CACNB1: variants seen among roughly 807,000 people sequenced by gnomAD.
CACNB1 encodes calcium voltage-gated channel auxiliary subunit beta 1.
CACNB1 carries 29 observed loss-of-function variants against 71.6 expected under a neutral mutation model. That is an observed-to-expected ratio of 0.40 (90% confidence interval 0.30 to 0.55). The LOEUF (loss-of-function observed/expected upper bound fraction) is 0.55, where lower values mean the gene tolerates loss of function less well. Ranked by LOEUF, CACNB1 falls within the 20% of genes least tolerant of loss-of-function variation. The probability of loss-of-function intolerance (pLI) is 0.38; values close to 1 mark genes in which losing one functional copy is unlikely to be tolerated. For synonymous variants in CACNB1, 300 were observed against 319.6 expected (o/e 0.94, Z 0.65); for missense variants, 623 against 801.8 (o/e 0.78, Z 2.69).
rs368722163 is a variant in CACNB1, at chr17:39,194,864, C to T, written c.171+20G>A. ...CACCAACCAGCCACCTCCCTCCTCT[C>T]CGCCCAGCCTCCCCATTACCTGGCG... On this transcript the variant is annotated intron_variant, in intron 2 of 13. Transcript: ENST00000394303. This position sits in a 1 kb window ranked among gnomAD's most constrained non-coding sequence, Gnocchi z 4.6. 2.9e-5 allele frequency: 46 copies of T among 1,571,168 alleles called. No homozygotes were observed. The highest frequency in any genetic ancestry group is 3.8e-5 in the Non-Finnish European group (43 of 1,144,188).
chr17:39,190,188 G>A (rs189116507), intron 3 of CACNB1, among the ~76,000 whole-genome samples: 19 of 152,092 alleles, frequency 1.2e-4, no homozygotes, highest in Admixed American at 5.9e-4. Context: ...TTGGGAGGCC[G>A]AGGCAGGAGG....
chr17:39,182,866 T>C lies in CACNB1; in HGVS notation c.1050+847A>G, dbSNP rs979276800. 8.0e-5 allele frequency: 56 copies of C among 697,150 alleles called. No homozygotes were observed. The African/African-American group carries it at 1.0e-3, about 13-fold the overall frequency. The allele number at this position is 697,150 out of a possible 1,614,324, so 43.2% of individuals were successfully genotyped here. A position where few individuals can be genotyped will look rare whatever the true frequency, so the allele number is the denominator to read the frequency against. On this transcript the variant is annotated intron_variant, in intron 11 of 13. Coordinates refer to ENST00000394303, the MANE Select transcript of CACNB1 (RefSeq NM_000723.5). ...AGAGGCTAAATAATTCCCCCAAGAT[T>C]CCAAGTTCAATAAAAAACAACCAAC... is the stretch of plus-strand genomic sequence containing the variant.
At chr17:39,190,975 G>T (rs189034148) in intron 3 of CACNB1, among the ~76,000 whole-genome samples, 9 of 151,746 alleles carry the variant, frequency 5.9e-5, no homozygotes, top group African/African-American at 1.9e-4. Context: ...GAGGCTGAGG[G>T]GGGCGGATCA....
At position 39,177,538 on chromosome 17, in the gene CACNB1, G is replaced by A. The variant is rs1207470971; in HGVS notation, c.1147-3C>T. 1.3e-6 allele frequency: 2 copies of A among 1,577,300 alleles called. No individual in the cohort carries two copies. The highest frequency in any genetic ancestry group is 2.7e-5 in the African/African-American group (2 of 74,382). On this transcript the variant is annotated splice_region_variant and splice_polypyrimidine_tract_variant and intron_variant, in intron 12 of 13. Transcript: ENST00000394303. Reference sequence around the variant, plus strand: ...TCCAGGATGATGTCAAACATTTCCTGTGAAGGCGGGGTTAGGGGGCAGGGC... The same window carrying A: ...TCCAGGATGATGTCAAACATTTCCTATGAAGGCGGGGTTAGGGGGCAGGGC...
At chr17:39,192,936 C>T (rs910756742) in intron 2 of CACNB1, 1 of 152,678 alleles carries the variant, frequency 6.5e-6, no homozygotes, top group African/African-American at 2.4e-5. Context: ...GAGAGAAAAC[C>T]AGCGTAGCTC....
rs1015709759 is a variant in CACNB1 at position 39,197,581 on chromosome 17, G to A, written c.-86C>T. The A allele has an allele frequency of 9.4e-7, 1 of 1,063,874 alleles. No homozygotes were observed. 65.9% of individuals were successfully genotyped at this position (1,063,874 alleles called of 1,614,324 possible). A position where few individuals can be genotyped will look rare whatever the true frequency, so the allele number is the denominator to read the frequency against. ...AGAGGCCGTGGGAGCCGAAAGCAGC[G>A]CGGCGCAGCCAGCACCCGGTCCAGC... is the stretch of plus-strand genomic sequence containing the variant. On this transcript the variant is annotated 5_prime_UTR_variant, in exon 1 of 14. Transcript: ENST00000394303.
intron 11 of CACNB1, 123 bp from the exon 12 acceptor site, chr17:39,178,202 T>A: frequency 1.4e-6 from 1 of 739,724 alleles, no homozygotes; most frequent in Non-Finnish European, 2.4e-6. Context: ...GAATGCTCCA[T>A]AACTCTCAGC....
rs1231332194 is a variant in CACNB1 at position 39,175,388 on chromosome 17, G to A, written c.1602C>T (p.Asp534=). The change falls in exon 14 of 14, where the codon GAC becomes GAT. Residue 534 remains aspartate, a synonymous_variant. Coordinates refer to ENST00000394303, the MANE Select transcript of CACNB1 (RefSeq NM_000723.5). This position sits in a 1 kb window ranked among gnomAD's most constrained non-coding sequence, Gnocchi z 4.7. ...TDPSEGPGLG[D]PAGGGTPPAR... Reference sequence around the variant, plus strand: ...CTGGGGGCGTGCCGCCCCCTGCAGGGTCTCCAAGCCCTGGCCCCTCTGAGG... The same window carrying A: ...CTGGGGGCGTGCCGCCCCCTGCAGGATCTCCAAGCCCTGGCCCCTCTGAGG... 1.9e-6 allele frequency: 3 copies of A among 1,614,194 alleles called. No individual in the cohort carries two copies. The highest frequency in any genetic ancestry group is 1.7e-6 in the Non-Finnish European group (2 of 1,180,042).
intron 11 of CACNB1, chr17:39,182,891 CAAT>C (rs949403077): frequency 3.3e-6 from 3 of 899,370 alleles, no homozygotes; most frequent in African/African-American, 1.8e-5. Context: ...AAACAACCAA[CAAT>C]AAGAATAAAT....
intron 1 of CACNB1, among the ~76,000 whole-genome samples, chr17:39,196,475 C>A (rs559893849): frequency 6.6e-6 from 1 of 152,234 alleles, no homozygotes; most frequent in South Asian, 2.1e-4. Context: ...TGACTTGACC[C>A]CTCTACATAC....
Position 39,186,437 on chromosome 17 carries a change from G to C in CACNB1, c.628+59C>G, listed in dbSNP as rs759611075. 1 of 1,303,422 alleles carries C rather than the reference G, an allele frequency of 7.7e-7. No homozygotes were observed. The highest frequency in any genetic ancestry group is 1.9e-5 in the Admixed American group (1 of 52,824). 80.7% of individuals were successfully genotyped at this position (1,303,422 alleles called of 1,614,324 possible). A position where few individuals can be genotyped will look rare whatever the true frequency, so the allele number is the denominator to read the frequency against. On this transcript the variant is annotated intron_variant, in intron 6 of 13. Transcript: ENST00000394303. This position sits in a 1 kb window ranked among gnomAD's most constrained non-coding sequence, Gnocchi z 4.1. The stretch of plus-strand genomic sequence containing the variant: ...GCAGGGAAAGGAGGATTCAGGGAGT[G>C]GGGAGACCACCCCACCCAGGAGCTT...
At chr17:39,197,340 G>C (rs1303385470) in intron 1 of CACNB1, 72 bp downstream of exon 1, 2 of 989,164 alleles carry the variant, frequency 2.0e-6, no homozygotes, top group Admixed American at 8.3e-5. Flanking sequence ...CCTCTCCCGC[G>C]CCTCTCGAGC....
rs1021355090 is a variant in CACNB1 at position 39,173,852 on chromosome 17, G to A, written c.*1341C>T. 1 of 152,712 alleles carries A rather than the reference G, an allele frequency of 6.5e-6. No individual in the cohort carries two copies. Among genetic ancestry groups the A allele is most frequent in the Non-Finnish European group, 1.5e-5 (1 of 68,134 alleles). 9.5% of individuals were successfully genotyped at this position (152,712 alleles called of 1,614,324 possible). ...ATGGCAAAATACTTCTCCTAGGGGA[G>A]TACAGACAAATATAGACAGACAGAT... On this transcript the variant is annotated 3_prime_UTR_variant, in exon 14 of 14. Transcript: ENST00000394303.
chr17:39,185,466 C>T (rs1299488301), intron 6 of CACNB1, among the ~76,000 whole-genome samples: 2 of 152,108 alleles, frequency 1.3e-5, no homozygotes, highest in East Asian at 1.9e-4. Flanking sequence ...AGGGTGACAG[C>T]CCCTATCTTG....
intron 6 of CACNB1, 147 bp from the exon 7 acceptor site, chr17:39,185,297 G>A (rs2045906966): frequency 1.4e-6 from 1 of 718,596 alleles, no homozygotes; most frequent in Non-Finnish European, 2.6e-6. Context: ...GCGTGTTAGT[G>A]ACAGACAGAG....
intron 11 of CACNB1, chr17:39,182,767 C>G (rs1254162443): frequency 6.6e-6 from 1 of 152,054 alleles, no homozygotes. Flanking sequence ...ATACTGGGCT[C>G]CTTACAGCAA....
chr17:39,177,889 G>A, intron 12 of CACNB1, 95 bp downstream of exon 12: 4 of 990,972 alleles, frequency 4.0e-6, no homozygotes, highest in Non-Finnish European at 6.5e-6. Context: ...TGACCCAGGT[G>A]TTCCTGGTCA....
chr17:39,184,235 C>G, intron 9 of CACNB1, 90 bp downstream of exon 9: 5 of 1,293,024 alleles, frequency 3.9e-6, no homozygotes, highest in East Asian at 2.4e-5. Flanking sequence ...TTCCTCAGTC[C>G]GAGTCCCAGG....
At chr17:39,189,998 C>A (rs1205817559) in intron 3 of CACNB1, among the ~76,000 whole-genome samples, 1 of 151,834 alleles carries the variant, frequency 6.6e-6, no homozygotes, top group Non-Finnish European at 1.5e-5. Context: ...GCCTATAATC[C>A]CAGCTACTTG....
Sources: allele counts gnomAD v4.1 joint callset (sites outside exome capture counted in the v4.1 genomes callset), GRCh38; gene constraint gnomAD v4.1.1; non-coding constraint Gnocchi (gnomAD v3.1); transcripts MANE v1.5; gene names NCBI Gene and HGNC (gene_info 2026-07-23, HGNC 2026-07-21).